Variants in MARCHF1 observed in about 807,000 individuals in gnomAD.
MARCHF1 encodes E3 ubiquitin-protein ligase MARCHF1.
MARCHF1 carries 40 observed loss-of-function variants against 54.2 expected under a neutral mutation model. The observed-to-expected ratio is 0.74, with a 90% CI of 0.57 to 0.96. The LOEUF is 0.96. Ranked by LOEUF, MARCHF1 falls within the 40% of genes least tolerant of loss-of-function variation. The pLI, the probability that MARCHF1 is intolerant of heterozygous loss-of-function variation, is 0.00. For synonymous variants in MARCHF1, 236 were observed against 236.3 expected (o/e 1.00, Z 0.01); for missense variants, 586 against 656.5 (o/e 0.89, Z 1.17).
intron 5 of MARCHF1, among the ~76,000 whole-genome samples, chr4:163,684,194 A>C (rs1434828975): frequency 6.6e-6 from 1 of 152,194 alleles, no homozygotes; most frequent in Non-Finnish European, 1.5e-5. Context: ...TTCAAGGAGA[A>C]GGGAACATAG....
chr4:163,579,098 G>C (rs147848301), intron 8 of MARCHF1, among the ~76,000 whole-genome samples: 253 of 152,246 alleles, frequency 1.7e-3, no homozygotes, highest in African/African-American at 5.9e-3. Context: ...CATTTCAAAA[G>C]ACTAATTGAC....
chr4:164,022,514 G>A (rs1350661336), intron 2 of MARCHF1, among the ~76,000 whole-genome samples: 1 of 152,096 alleles, frequency 6.6e-6, no homozygotes, highest in East Asian at 1.9e-4. Flanking sequence ...GCGAGTTAAG[G>A]GAAGGATGGA....
At chr4:163,765,861 T>TAC (rs1162837042) in intron 4 of MARCHF1, among the ~76,000 whole-genome samples, 3 of 147,712 alleles carry the variant, frequency 2.0e-5, no homozygotes, top group African/African-American at 7.4e-5. Flanking sequence ...TAGATATATA[T>TAC]ACACACATAT....
intron 1 of MARCHF1, chr4:164,189,997 T>A: frequency 1.4e-6 from 2 of 1,463,286 alleles, no homozygotes; most frequent in South Asian, 2.3e-5. Flanking sequence ...AAAAGGATGG[T>A]TAATGATGCT....
intron 1 of MARCHF1, among the ~76,000 whole-genome samples, chr4:164,258,312 G>T (rs368136912): frequency 1.6e-4 from 24 of 151,576 alleles, no homozygotes; most frequent in African/African-American, 5.3e-4. Flanking sequence ...CTGGTTGATG[G>T]GTGCAGCAAA....
At chr4:164,261,627 C>T (rs1332387201) in intron 1 of MARCHF1, among the ~76,000 whole-genome samples, 3 of 152,138 alleles carry the variant, frequency 2.0e-5, no homozygotes, top group African/African-American at 7.2e-5. Flanking sequence ...ATCCTTTCCC[C>T]TTGCCATTCC....
intron 3 of MARCHF1, among the ~76,000 whole-genome samples, chr4:163,984,981 G>A (rs890855930): frequency 7.9e-5 from 12 of 152,018 alleles, no homozygotes. Flanking sequence ...CAAGGTGTAG[G>A]TGAACCTAAA....
rs537283923 is a variant in MARCHF1 at position 163,888,041 on chromosome 4, A to T, written c.-38-33872T>A. On this transcript the variant is annotated intron_variant, in intron 3 of 9. Transcript: ENST00000514618. ...TGATGTTACAAAAGGACTATAGGAAAGTACTGACTTAAAAATTGTGAAAAT... is the reference window on the plus strand; with the variant it reads ...TGATGTTACAAAAGGACTATAGGAATGTACTGACTTAAAAATTGTGAAAAT... Among the ~76,000 whole-genome samples, 4 of 152,318 alleles carry T rather than the reference A, an allele frequency of 2.6e-5. No individual in the cohort carries two copies. In the South Asian group the frequency reaches 8.3e-4, roughly 32 times the overall value.
At chr4:163,760,537 T>C (rs990987229) in intron 4 of MARCHF1, among the ~76,000 whole-genome samples, 1 of 152,188 alleles carries the variant, frequency 6.6e-6, no homozygotes, top group Non-Finnish European at 1.5e-5. Flanking sequence ...TTTCCCTTTT[T>C]GGTTTGGCTA....
In MARCHF1 at chr4:164,278,256, G is replaced by A. The variant is rs565200442; in HGVS notation, c.-323+105614C>T. Among the ~76,000 whole-genome samples, 4 of 152,294 alleles carry A rather than the reference G, an allele frequency of 2.6e-5. No individual in the cohort carries two copies. The South Asian group carries it at 8.3e-4, about 32-fold the overall frequency. ...GTCTGAGAGGTCAAGGCTGCAATGA[G>A]CTGTGATCGCACCACTGCACTCAAG... On this transcript the variant is annotated intron_variant, in intron 1 of 9. Transcript: ENST00000514618.
At chr4:163,779,644 A>C (rs181118945) in intron 4 of MARCHF1, among the ~76,000 whole-genome samples, 5 of 152,312 alleles carry the variant, frequency 3.3e-5, no homozygotes, top group African/African-American at 1.2e-4. Context: ...AAAAAAAGTG[A>C]TGGGCTTCAT....
chr4:164,115,247 G>A (rs1054405716), intron 1 of MARCHF1, among the ~76,000 whole-genome samples: 1 of 152,048 alleles, frequency 6.6e-6, no homozygotes, highest in Non-Finnish European at 1.5e-5. Context: ...AATCAGTCAT[G>A]AGCAATGAGG....
rs144379635 is a variant in MARCHF1, at chr4:164,344,458, T to TTGTGTGTGTG, written c.-323+39402_-323+39411dup. ...TGTGTGTTTGTGCACATGCACGTGTTTGTGTGTGTGTGTGTGTGTGTGTGT... is the reference window on the plus strand; with the variant it reads ...TGTGTGTTTGTGCACATGCACGTGTTTGTGTGTGTGTGTGTGTGTGTGTGTGTGTGTGTGT... On this transcript the variant is annotated intron_variant, in intron 1 of 9. Coordinates refer to ENST00000514618, the MANE Select transcript of MARCHF1 (RefSeq NM_001394959.1). 8.5e-3 allele frequency among the ~76,000 whole-genome samples: 1,260 copies of TTGTGTGTGTG among 148,070 alleles called. 16 individuals carry two copies. Among genetic ancestry groups the TTGTGTGTGTG allele is most frequent in the African/African-American group, 0.028 (1,128 of 40,708 alleles).
chr4:163,825,378 G>C (rs1383650576), intron 4 of MARCHF1, among the ~76,000 whole-genome samples: 1 of 152,000 alleles, frequency 6.6e-6, no homozygotes, highest in Non-Finnish European at 1.5e-5. Flanking sequence ...TAGCTTTGCT[G>C]TTGTGAATAG....
intron 1 of MARCHF1, among the ~76,000 whole-genome samples, chr4:164,281,248 T>C (rs756530453): frequency 6.6e-6 from 1 of 152,174 alleles, no homozygotes; most frequent in African/African-American, 2.4e-5. Flanking sequence ...GTTCAGTTCA[T>C]TCATGCTACA....
At chr4:163,586,316 C>G (rs1028006355) in intron 7 of MARCHF1, among the ~76,000 whole-genome samples, 1 of 152,072 alleles carries the variant, frequency 6.6e-6, no homozygotes, top group African/African-American at 2.4e-5. Flanking sequence ...TGTGTTTAGA[C>G]TGGGTTGAAT....
At chr4:164,347,455 A>C in intron 1 of MARCHF1, among the ~76,000 whole-genome samples, 1 of 152,160 alleles carries the variant, frequency 6.6e-6, no homozygotes, top group East Asian at 1.9e-4. Flanking sequence ...AAGGGGCTTG[A>C]CATACCCTCT....
chr4:164,195,508 A>T (rs903834659), intron 1 of MARCHF1, among the ~76,000 whole-genome samples: 2 of 152,182 alleles, frequency 1.3e-5, no homozygotes, highest in Non-Finnish European at 2.9e-5. Context: ...TCTCAGACAA[A>T]TGAAAATAGA....
intron 1 of MARCHF1, among the ~76,000 whole-genome samples, chr4:164,228,109 T>C (rs1356687021): frequency 1.3e-5 from 2 of 152,142 alleles, no homozygotes; most frequent in Non-Finnish European, 2.9e-5. Context: ...AAATGTGAAC[T>C]GATGACGATG....
Sources: allele counts gnomAD v4.1 joint callset (sites outside exome capture counted in the v4.1 genomes callset), GRCh38; gene constraint gnomAD v4.1.1; transcripts MANE v1.5; gene names NCBI Gene and HGNC (gene_info 2026-07-23, HGNC 2026-07-21).